SIN3A: variants seen among roughly 807,000 people sequenced by gnomAD.
SIN3A encodes the protein paired amphipathic helix protein Sin3a.
A neutral mutation model predicts 146.1 loss-of-function variants in SIN3A; 14 were observed. The observed-to-expected ratio is 0.10, with a 90% CI of 0.06 to 0.15. The LOEUF (loss-of-function observed/expected upper bound fraction) is 0.15, where lower values mean the gene tolerates loss of function less well. Among genes scored for constraint, SIN3A ranks in the 10% least tolerant of loss-of-function variants. The pLI, the probability that SIN3A is intolerant of heterozygous loss-of-function variation, is 1.00. For missense variants in SIN3A, 1,028 were observed against 1,576.0 expected (o/e 0.65, Z 5.89); for synonymous variants, 572 against 572.0 (o/e 1.00, Z 0.00).
rs572359302 is a variant in SIN3A at position 75,384,324 on chromosome 15, G to A, written c.3135C>T (p.Leu1045=). The change falls in exon 17 of 21, where the codon CTC becomes CTT. Residue 1045 remains leucine, a synonymous_variant. Coordinates refer to ENST00000394947, the MANE Select transcript of SIN3A (RefSeq NM_001145358.2). The part of the protein sequence containing the change: ...GQLNTQNSRS[L]LESTYQRKAE... ...CTTTCCGCTGATACGTTGACTCCAG[G>A]AGGCTCCTTGAGTTCTGTGTGTTCA... is the stretch of plus-strand genomic sequence containing the variant. 1.3e-5 allele frequency: 21 copies of A among 1,613,666 alleles called. No homozygotes were observed. In the South Asian group the frequency reaches 2.0e-4, roughly 15 times the overall value.
chr15:75,441,776 T>C (rs1012379862), intron 1 of SIN3A, among the ~76,000 whole-genome samples: 1 of 152,178 alleles, frequency 6.6e-6, no homozygotes, highest in African/African-American at 2.4e-5. Flanking sequence ...TCATCTTCTT[T>C]GCTCCATAAT....
intron 4 of SIN3A, 149 bp downstream of exon 4, chr15:75,414,056 A>G: frequency 2.5e-6 from 1 of 397,614 alleles, no homozygotes; most frequent in Non-Finnish European, 4.4e-6. Context: ...ATTTCCATCA[A>G]TAAAGGTATG....
chr15:75,446,651 T>C (rs2074312393), intron 1 of SIN3A, among the ~76,000 whole-genome samples: 1 of 151,576 alleles, frequency 6.6e-6, no homozygotes, highest in Admixed American at 6.6e-5. Flanking sequence ...GCCAGCATGC[T>C]TGGCTAATTT....
chr15:75,414,139 A>G, intron 4 of SIN3A, 66 bp downstream of exon 4: 1 of 758,450 alleles, frequency 1.3e-6, no homozygotes, highest in Non-Finnish European at 2.0e-6. Flanking sequence ...TAAATAAACT[A>G]TATCCTCTTC....
At chr15:75,451,210 CCG>C (rs2074401044) in intron 1 of SIN3A, 2 of 142,328 alleles carry the variant, frequency 1.4e-5, no homozygotes. Flanking sequence ...CCGCCCCCCT[CCG>C]CGCGCACCGG....
At position 75,400,890 on chromosome 15, in the gene SIN3A, T is replaced by C; in HGVS notation, c.1577A>G (p.Glu526Gly). 1 of 1,614,110 alleles carries C rather than the reference T, an allele frequency of 6.2e-7. No individual in the cohort carries two copies. Residue 526 changes from glutamate to glycine, a missense_variant, in exon 11 of 21, where the codon GAG (glutamate) becomes GGG (glycine). By Grantham distance (98) the Glu-to-Gly change is moderately conservative (BLOSUM62 -2). Coordinates refer to ENST00000394947, the MANE Select transcript of SIN3A (RefSeq NM_001145358.2). ...TGGATAAGTTTCCAGATGTACAGACTCCTTATAGCCCAGAAAGTTTTTAAA... is the reference window on the plus strand; with the variant it reads ...TGGATAAGTTTCCAGATGTACAGACCCCTTATAGCCCAGAAAGTTTTTAAA... ...NWFKNFLGYK[E>G]SVHLETYPKE...
chr15:75,379,284 C>G (rs2072921939), intron 19 of SIN3A, among the ~76,000 whole-genome samples: 1 of 151,916 alleles, frequency 6.6e-6, no homozygotes, highest in Admixed American at 6.6e-5. Context: ...TAGTATAATC[C>G]ATATAAACAA....
intron 8 of SIN3A, among the ~76,000 whole-genome samples, chr15:75,409,620 G>A (rs982211724): frequency 1.7e-4 from 25 of 151,452 alleles, no homozygotes; most frequent in African/African-American, 5.3e-4. Flanking sequence ...CCAGCTACTC[G>A]GGAGGGCGAG....
intron 8 of SIN3A, among the ~76,000 whole-genome samples, chr15:75,408,655 A>G (rs1458858822): frequency 6.6e-6 from 1 of 152,240 alleles, no homozygotes; most frequent in Non-Finnish European, 1.5e-5. Flanking sequence ...AACAAAAAAC[A>G]TCATGTAATG....
At chr15:75,422,553 G>T in intron 3 of SIN3A, 94 bp downstream of exon 3, 1 of 1,351,394 alleles carries the variant, frequency 7.4e-7, no homozygotes, top group Non-Finnish European at 1.1e-6. Flanking sequence ...TAGTATCTCA[G>T]GTTAGAAGTT....
chr15:75,370,163 G>T lies in SIN3A; in HGVS notation c.*1816C>A. 1 of 152,606 alleles carries T rather than the reference G, an allele frequency of 6.6e-6. No individual in the cohort carries two copies. The highest frequency in any genetic ancestry group is 2.0e-4 in the South Asian group (1 of 5,048). 9.5% of individuals were successfully genotyped at this position (152,606 alleles called of 1,614,324 possible). ...CGAGGTGGGAGGACTGCTTGAGCCT[G>T]GGAGGTCAAGCCTGCAGTGAGCTAT... On this transcript the variant is annotated 3_prime_UTR_variant, in exon 21 of 21. Coordinates refer to ENST00000394947, the MANE Select transcript of SIN3A (RefSeq NM_001145358.2).
chr15:75,436,842 G>T (rs2074116745), intron 1 of SIN3A, among the ~76,000 whole-genome samples: 9 of 152,000 alleles, frequency 5.9e-5, no homozygotes. Flanking sequence ...TTGGGAAAGG[G>T]ATACAGACAG....
intron 3 of SIN3A, among the ~76,000 whole-genome samples, chr15:75,416,977 A>T (rs1356459372): frequency 6.6e-6 from 1 of 151,156 alleles, no homozygotes; most frequent in Non-Finnish European, 1.5e-5. Context: ...GTCAACCTTC[A>T]CTCTAAACTT....
At chr15:75,388,869 G>C (rs1486205327) in intron 16 of SIN3A, 1 of 152,256 alleles carries the variant, frequency 6.6e-6, no homozygotes, top group Non-Finnish European at 1.5e-5. Flanking sequence ...AGTAGAGCTG[G>C]GTCTCCAGAA....
At position 75,384,414 on chromosome 15, in the gene SIN3A, C is replaced by G; in HGVS notation, c.3045G>C (p.Glu1015Asp). Residue 1015 changes from glutamate (E) to aspartate (D), a missense_variant, in exon 17 of 21, where the codon GAG becomes GAC. Around this residue, in one of 9 missense-constraint regions of SIN3A, gnomAD observed 488 missense variants for 690.2 expected, o/e 0.71. Transcript: ENST00000394947. ...AAAGGTCAGTCACCTGCACACAGAT[C>G]TCATCACTCACGATATGCTGCAGCT... ...VRQLQHIVSD[E>D]ICVQVTDLYL... The G allele has an allele frequency of 6.2e-7, 1 of 1,611,996 alleles. No homozygotes were observed. Among genetic ancestry groups the G allele is most frequent in the Non-Finnish European group, 8.5e-7 (1 of 1,179,188 alleles).
chr15:75,404,143 G>C (rs764237898), intron 9 of SIN3A, among the ~76,000 whole-genome samples: 14 of 152,272 alleles, frequency 9.2e-5, no homozygotes, highest in African/African-American at 3.4e-4. Context: ...TGGCTTATCA[G>C]CAACCCCTGC....
chr15:75,420,379 CTTTT>C (rs149187328), intron 3 of SIN3A: 1 of 151,144 alleles, frequency 6.6e-6, no homozygotes, highest in Non-Finnish European at 1.5e-5. Context: ...CTGAACATTT[CTTTT>C]TTTTTGTTTG....
intron 3 of SIN3A, chr15:75,422,212 T>C: frequency 4.4e-6 from 1 of 225,976 alleles, no homozygotes. Flanking sequence ...GAGACTCCCA[T>C]CTCTGAAACT....
At chr15:75,408,883 T>C (rs922161695) in intron 8 of SIN3A, among the ~76,000 whole-genome samples, 4 of 152,188 alleles carry the variant, frequency 2.6e-5, no homozygotes, top group Admixed American at 6.5e-5. Context: ...GAATGTTCTT[T>C]CTTAACACAA....
Sources: allele counts gnomAD v4.1 joint callset (sites outside exome capture counted in the v4.1 genomes callset), GRCh38; gene constraint gnomAD v4.1.1; regional missense constraint gnomAD v4.1.1; transcripts MANE v1.5; gene names NCBI Gene and HGNC (gene_info 2026-07-23, HGNC 2026-07-21).